The following SCARF2 variants were observed in gnomAD, a reference collection of about 807,000 sequenced individuals.
The protein encoded by SCARF2 is scavenger receptor class F member 2, also known as scavenger receptor expressed by endothelial cells 2 protein.
Under a neutral mutation model 73.4 loss-of-function variants are expected in SCARF2, and 39 were observed. That is an observed-to-expected ratio of 0.53 (90% confidence interval 0.41 to 0.69). The LOEUF (loss-of-function observed/expected upper bound fraction) is 0.69. SCARF2 is among the 30% of genes least tolerant of loss of function. The pLI is 0.00. For synonymous variants in SCARF2, 605 were observed against 590.0 expected (o/e 1.03, Z -0.37); for missense variants, 1,148 against 1,303.5 (o/e 0.88, Z 1.84).
chr22:20,425,403 A>T lies in SCARF2; in HGVS notation c.2573T>A (p.Leu858Gln). ...RKKSREAAGELGRAGAPTL is the reference protein window; with the variant it reads ...RKKSREAAGEQGRAGAPTL ...CAGGGTGGGTGCGCCCGCCCTGCCC[A>T]GCTCGCCCGCCGCCTCCCGGCTCTT... The change falls in exon 11 of 11, where the codon CTG (leucine) becomes CAG (glutamine). Residue 858 changes from leucine to glutamine, a missense_variant. This residue lies in a region of SCARF2 where 169 missense variants were observed against 136.9 expected (regional missense o/e 1.23). Transcript: ENST00000622235. This position sits in a 1 kb window ranked among gnomAD's most constrained non-coding sequence, Gnocchi z 4.6. 5 of 1,430,796 alleles carry T rather than the reference A, an allele frequency of 3.5e-6. No individual in the cohort carries two copies. Among genetic ancestry groups the T allele is most frequent in the Non-Finnish European group, 4.6e-6 (5 of 1,089,580 alleles). The allele number at this position is 1,430,796 out of a possible 1,614,324, so 88.6% of individuals were successfully genotyped here.
At chr22:20,436,125 G>A (rs1238391119) in intron 1 of SCARF2, among the ~76,000 whole-genome samples, 4 of 152,258 alleles carry the variant, frequency 2.6e-5, no homozygotes. Flanking sequence ...GGCCCAGAGA[G>A]GTCAAATGAC....
At chr22:20,430,315 G>T in intron 6 of SCARF2, 114 bp downstream of exon 6, 1 of 1,303,268 alleles carries the variant, frequency 7.7e-7, no homozygotes, top group Non-Finnish European at 1.0e-6. Context: ...CTGGGGTAAG[G>T]GACCAAGGCT....
chr22:20,434,856 T>A (rs1439937948), intron 1 of SCARF2, among the ~76,000 whole-genome samples: 2 of 152,104 alleles, frequency 1.3e-5, no homozygotes, highest in African/African-American at 4.8e-5. Context: ...CAGAAAAGCT[T>A]CTCTGCCTGC....
chr22:20,427,014 A>G (rs927379669), intron 10 of SCARF2, among the ~76,000 whole-genome samples: 9 of 152,016 alleles, frequency 5.9e-5, no homozygotes, highest in African/African-American at 1.9e-4. Context: ...GGGAGGAGAC[A>G]GGGCAGAATC....
At position 20,437,759 on chromosome 22, in the gene SCARF2, C is replaced by G; in HGVS notation, c.-5G>C. 9.7e-7 allele frequency: 1 copy of G among 1,032,238 alleles called. No individual in the cohort carries two copies. Among genetic ancestry groups the G allele is most frequent in the Non-Finnish European group, 1.2e-6 (1 of 862,348 alleles). The allele number at this position is 1,032,238 out of a possible 1,614,324, so 63.9% of individuals were successfully genotyped here. ...CCGGGGCCCTGCGCCCTCCATGAGG[C>G]GCGGGGCAGGCGCGGGGCGGGCACG... On this transcript the variant is annotated 5_prime_UTR_variant, in exon 1 of 11. Transcript: ENST00000622235.
chr22:20,434,982 G>A (rs1236061136), intron 1 of SCARF2, among the ~76,000 whole-genome samples: 1 of 152,108 alleles, frequency 6.6e-6, no homozygotes, highest in Non-Finnish European at 1.5e-5. Flanking sequence ...GCTCCCTCGG[G>A]AAGCTCACTG....
chr22:20,436,838 T>A (rs2052705581), intron 1 of SCARF2, among the ~76,000 whole-genome samples: 1 of 152,064 alleles, frequency 6.6e-6, no homozygotes, highest in Non-Finnish European at 1.5e-5. Context: ...CTGCCCTCCG[T>A]GCAAACTCCC....
At position 20,425,110 on chromosome 22, in the gene SCARF2, G is replaced by A. The variant is rs2052556553; in HGVS notation, c.*265C>T. 4 of 384,842 alleles carry A rather than the reference G, an allele frequency of 1.0e-5. No homozygotes were observed. The highest frequency in any genetic ancestry group is 1.8e-5 in the Non-Finnish European group (4 of 217,426). The allele number at this position is 384,842 out of a possible 1,614,324, so 23.8% of individuals were successfully genotyped here. On this transcript the variant is annotated 3_prime_UTR_variant, in exon 11 of 11. Transcript: ENST00000622235. The surrounding 1 kb of genome is among the most constrained non-coding windows in gnomAD (Gnocchi z 4.6). The stretch of plus-strand genomic sequence containing the variant: ...TGGCCAATGAGACGCTGTCTGGTCG[G>A]AGCGCTCCATAACTCGGCCAATGGG...
rs1300551957 is a variant in SCARF2 at position 20,437,732 on chromosome 22, C to T, written c.23G>A (p.Gly8Glu). ...TCCCCGGCGCCGCGCCGGCCCGGCC[C>T]CCCGGGGCCCTGCGCCCTCCATGAG... MEGAGPRGAGPARRRGAG... is the reference protein window; with the variant it reads MEGAGPREAGPARRRGAG... The change falls in exon 1 of 11, where the codon GGG becomes GAG. Residue 8 changes from glycine to glutamate, a missense_variant. By Grantham distance (98) the Gly-to-Glu change is moderately conservative (BLOSUM62 -2). Coordinates refer to ENST00000622235, the MANE Select transcript of SCARF2 (RefSeq NM_182895.5). 9 of 1,249,778 alleles carry T rather than the reference C, an allele frequency of 7.2e-6. No individual in the cohort carries two copies. The East Asian group carries it at 3.4e-4, about 47-fold the overall frequency. 77.4% of individuals were successfully genotyped at this position (1,249,778 alleles called of 1,614,324 possible). A position where few individuals can be genotyped will look rare whatever the true frequency, so the allele number is the denominator to read the frequency against.
chr22:20,435,896 C>T (rs2146139319), intron 1 of SCARF2, among the ~76,000 whole-genome samples: 1 of 152,342 alleles, frequency 6.6e-6, no homozygotes, highest in South Asian at 2.1e-4. Context: ...TGGCTTTGCA[C>T]TCTCCTCTCC....
In SCARF2 at chr22:20,424,964, C is replaced by A. The variant is rs1430464010; in HGVS notation, c.*411G>T. ...AGCCTCCAGCCAGAGGCACCAGGCC[C>A]TAGCGGGGGAGAGGCAGCCCGGGCA... On this transcript the variant is annotated 3_prime_UTR_variant, in exon 11 of 11. Coordinates refer to ENST00000622235, the MANE Select transcript of SCARF2 (RefSeq NM_182895.5). 1 of 168,286 alleles carries A rather than the reference C, an allele frequency of 5.9e-6. No homozygotes were observed. Among genetic ancestry groups the A allele is most frequent in the East Asian group, 1.6e-4 (1 of 6,274 alleles). 10.4% of individuals were successfully genotyped at this position (168,286 alleles called of 1,614,324 possible).
chr22:20,425,724 A>C lies in SCARF2; in HGVS notation c.2252T>G (p.Leu751Trp), dbSNP rs1314720159. ...ARARGRGPGL[L>W]EPTDAGGPPR... The stretch of plus-strand genomic sequence containing the variant: ...GGGACCGCCGGCGTCCGTGGGCTCC[A>C]AGAGGCCGGGGCCGCGGCCCCGCGC... Residue 751 changes from leucine to tryptophan, a missense_variant, in exon 11 of 11, where the codon TTG becomes TGG. Around this residue, in one of 5 missense-constraint regions of SCARF2, gnomAD observed 46 missense variants for 80.6 expected, o/e 0.57. Transcript: ENST00000622235. This position sits in a 1 kb window ranked among gnomAD's most constrained non-coding sequence, Gnocchi z 4.6. 8.1e-7 allele frequency: 1 copy of C among 1,228,918 alleles called. No homozygotes were observed. Among genetic ancestry groups the C allele is most frequent in the Non-Finnish European group, 1.0e-6 (1 of 988,556 alleles). 76.1% of individuals were successfully genotyped at this position (1,228,918 alleles called of 1,614,324 possible). A position where few individuals can be genotyped will look rare whatever the true frequency, so the allele number is the denominator to read the frequency against.
chr22:20,427,590 G>GC (rs778544372), intron 9 of SCARF2, 40 bp from the exon 10 acceptor site: 1 of 1,607,504 alleles, frequency 6.2e-7, no homozygotes, highest in South Asian at 1.1e-5. Context: ...GGTCCACTCT[G>GC]CCCCAGCCGG....
At chr22:20,426,506 G>A (rs897242509) in intron 10 of SCARF2, among the ~76,000 whole-genome samples, 1 of 152,224 alleles carries the variant, frequency 6.6e-6, no homozygotes, top group African/African-American at 2.4e-5. Context: ...AGTGATGGGC[G>A]CATTCCCGCG....
chr22:20,434,252 C>A (rs1316192091), intron 1 of SCARF2, among the ~76,000 whole-genome samples: 1 of 152,130 alleles, frequency 6.6e-6, no homozygotes, highest in Non-Finnish European at 1.5e-5. Flanking sequence ...TGTGATGGCA[C>A]CACTGCTCTC....
At position 20,425,401 on chromosome 22, in the gene SCARF2, C is replaced by A; in HGVS notation, c.2575G>T (p.Gly859Cys). The change falls in exon 11 of 11, where the codon GGC becomes TGC. Residue 859 changes from glycine to cysteine, a missense_variant. This residue lies in a region of SCARF2 where 169 missense variants were observed against 136.9 expected (regional missense o/e 1.23). Coordinates refer to ENST00000622235, the MANE Select transcript of SCARF2 (RefSeq NM_182895.5). This position sits in a 1 kb window ranked among gnomAD's most constrained non-coding sequence, Gnocchi z 4.6. ...KKSREAAGELGRAGAPTL is the reference protein window; with the variant it reads ...KKSREAAGELCRAGAPTL ...TACAGGGTGGGTGCGCCCGCCCTGC[C>A]CAGCTCGCCCGCCGCCTCCCGGCTC... 7.0e-7 allele frequency: 1 copy of A among 1,430,614 alleles called. No homozygotes were observed. The highest frequency in any genetic ancestry group is 1.4e-5 in the South Asian group (1 of 70,296). 88.6% of individuals were successfully genotyped at this position (1,430,614 alleles called of 1,614,324 possible).
Position 20,429,252 on chromosome 22 carries a change from G to A in SCARF2, c.1513C>T (p.Arg505Trp), listed in dbSNP as rs764706585. 1 of 1,613,926 alleles carries A rather than the reference G, an allele frequency of 6.2e-7. No homozygotes were observed. Among genetic ancestry groups the A allele is most frequent in the Admixed American group, 1.7e-5 (1 of 60,030 alleles). ...ACGACTTTGGGTAGTTTCTGCCTCC[G>A]GAGCGGGATCCGGGGCAGCTTCATG... is the stretch of plus-strand genomic sequence containing the variant. ...ISMKLPRIPLRRQKLPKVVVA... is the reference protein window; with the variant it reads ...ISMKLPRIPLWRQKLPKVVVA... Residue 505 changes from arginine to tryptophan, a missense_variant, in exon 9 of 11, where the codon CGG (arginine) becomes TGG (tryptophan). Coordinates refer to ENST00000622235, the MANE Select transcript of SCARF2 (RefSeq NM_182895.5). This position sits in a 1 kb window ranked among gnomAD's most constrained non-coding sequence, Gnocchi z 5.2.
chr22:20,429,757 C>T lies in SCARF2; in HGVS notation c.1279G>A (p.Asp427Asn), dbSNP rs1454144327. Reference protein sequence around the residue: ...QACSCHEDTCDPVTGACHLET... With the variant: ...QACSCHEDTCNPVTGACHLET... The stretch of plus-strand genomic sequence containing the variant: ...AGGTGGCAGGCACCAGTGACCGGGT[C>T]GCACGTGTCCTCGTGGCAGCTGCAG... Residue 427 changes from aspartate (D) to asparagine (N), a missense_variant, in exon 7 of 11, where the codon GAC (aspartate) becomes AAC (asparagine). Transcript: ENST00000622235. This position sits in a 1 kb window ranked among gnomAD's most constrained non-coding sequence, Gnocchi z 5.2. The T allele has an allele frequency of 3.7e-6, 6 of 1,613,616 alleles. No individual in the cohort carries two copies. The highest frequency in any genetic ancestry group is 5.1e-6 in the Non-Finnish European group (6 of 1,179,956).
rs745466121 is a variant in SCARF2 at position 20,429,348 on chromosome 22, G to T, written c.1425-8C>A. On this transcript the variant is annotated splice_polypyrimidine_tract_variant and splice_region_variant and intron_variant, in intron 8 of 10. Coordinates refer to ENST00000622235, the MANE Select transcript of SCARF2 (RefSeq NM_182895.5). This position sits in a 1 kb window ranked among gnomAD's most constrained non-coding sequence, Gnocchi z 5.2. ...CTCCCAAGCGAAAGCTCCCTGCGGG[G>T]GCGGGGTCTGAGCGGAGGGGCGGGG... is the stretch of plus-strand genomic sequence containing the variant. 6.2e-7 allele frequency: 1 copy of T among 1,607,682 alleles called. No homozygotes were observed. The highest frequency in any genetic ancestry group is 8.5e-7 in the Non-Finnish European group (1 of 1,177,334).
Sources: gnomAD v4.1 joint callset for allele counts (sites outside exome capture counted in the v4.1 genomes callset) on GRCh38, gnomAD v4.1.1 for gene constraint, gnomAD v4.1.1 regional missense constraint, Gnocchi (gnomAD v3.1) non-coding constraint, MANE v1.5 for transcripts, NCBI Gene and HGNC (gene_info 2026-07-23, HGNC 2026-07-21) for gene names.